LRRC8D: variants seen among roughly 807,000 people sequenced by gnomAD.
LRRC8D encodes leucine rich repeat containing 8 VRAC subunit D.
A neutral mutation model predicts 55.8 loss-of-function variants in LRRC8D; 20 were observed. The ratio of observed to expected loss-of-function variants is 0.36; its 90% CI spans 0.25 to 0.52. LRRC8D has a LOEUF of 0.52. Ranked by LOEUF, LRRC8D falls within the 20% of genes least tolerant of loss-of-function variation. The pLI is 0.93. For missense variants in LRRC8D, 651 were observed against 1,030.8 expected, an observed-to-expected ratio of 0.63 and a Z score of 5.05; for synonymous variants, 352 against 377.0, an observed-to-expected ratio of 0.93 and a Z score of 0.77.
chr1:89,823,196 C>T (rs995718221), intron 1 of LRRC8D, among the ~76,000 whole-genome samples: 2 of 152,078 alleles, frequency 1.3e-5, no homozygotes, highest in African/African-American at 2.4e-5. Context: ...CTTAGATGAC[C>T]CAGCCTTCCA....
intron 2 of LRRC8D, among the ~76,000 whole-genome samples, chr1:89,912,542 C>A (rs1019999762): frequency 1.3e-5 from 2 of 152,146 alleles, no homozygotes; most frequent in African/African-American, 4.8e-5. Flanking sequence ...GAACTCCAGA[C>A]CCTTTCCTTT....
intron 2 of LRRC8D, among the ~76,000 whole-genome samples, chr1:89,859,090 A>C (rs1321038724): frequency 6.6e-6 from 1 of 152,168 alleles, no homozygotes; most frequent in Non-Finnish European, 1.5e-5. Flanking sequence ...TTTTGGTGAG[A>C]TATCTTATAA....
chr1:89,901,905 T>A (rs77782200), intron 2 of LRRC8D, among the ~76,000 whole-genome samples: 11,790 of 152,322 alleles, frequency 0.077, 632 homozygotes, highest in South Asian at 0.12. Context: ...CTTGTTGAAC[T>A]CAGCCTTTCC....
intron 2 of LRRC8D, among the ~76,000 whole-genome samples, chr1:89,881,685 A>G (rs1662286891): frequency 1.3e-5 from 2 of 152,232 alleles, no homozygotes. Flanking sequence ...GGCTCAAGAC[A>G]TGAATGGCCT....
chr1:89,888,905 A>G (rs1044451371), intron 2 of LRRC8D, among the ~76,000 whole-genome samples: 9 of 152,260 alleles, frequency 5.9e-5, no homozygotes, highest in Non-Finnish European at 1.2e-4. Context: ...GAATCAATAA[A>G]TAAATGAGGG....
chr1:89,822,068 CT>C (rs1362441828), intron 1 of LRRC8D: 1 of 152,628 alleles, frequency 6.6e-6, no homozygotes, highest in East Asian at 1.9e-4. Flanking sequence ...TGATAGGGGC[CT>C]TCTCCTTTCC....
chr1:89,864,598 C>T (rs1197738173), intron 2 of LRRC8D, among the ~76,000 whole-genome samples: 2 of 152,150 alleles, frequency 1.3e-5, no homozygotes, highest in African/African-American at 4.8e-5. Flanking sequence ...GCCTGGACTG[C>T]TGCAGCTGCC....
At chr1:89,927,074 T>C (rs1373278688) in intron 2 of LRRC8D, among the ~76,000 whole-genome samples, 2 of 152,226 alleles carry the variant, frequency 1.3e-5, no homozygotes, top group African/African-American at 4.8e-5. Context: ...CACCTTCTTT[T>C]CTATGGCAGA....
chr1:89,935,871 G>T lies in LRRC8D; in HGVS notation c.*226G>T. Reference sequence around the variant, plus strand: ...ATTTTTTTTTTTCTTTTGGGGAAAGGGAAGGAAAAATTATAATCACTAATC... The same window carrying T: ...ATTTTTTTTTTTCTTTTGGGGAAAGTGAAGGAAAAATTATAATCACTAATC... On this transcript the variant is annotated 3_prime_UTR_variant, in exon 3 of 3. Transcript: ENST00000337338. 1 of 405,412 alleles carries T rather than the reference G, an allele frequency of 2.5e-6. No homozygotes were observed. The highest frequency in any genetic ancestry group is 4.5e-6 in the Non-Finnish European group (1 of 222,526). The allele number at this position is 405,412 out of a possible 1,614,324, so 25.1% of individuals were successfully genotyped here.
At chr1:89,920,867 G>A (rs1052293532) in intron 2 of LRRC8D, among the ~76,000 whole-genome samples, 2 of 152,152 alleles carry the variant, frequency 1.3e-5, no homozygotes, top group Non-Finnish European at 2.9e-5. Context: ...GTTAGGGAAG[G>A]CTTGTTGTAG....
intron 2 of LRRC8D, among the ~76,000 whole-genome samples, chr1:89,915,812 T>C (rs929030053): frequency 9.8e-5 from 15 of 152,362 alleles, no homozygotes; most frequent in African/African-American, 3.6e-4. Context: ...AAAAATGTTA[T>C]CTTGGGCCAT....
At chr1:89,866,979 A>C (rs1253853593) in intron 2 of LRRC8D, among the ~76,000 whole-genome samples, 1 of 152,202 alleles carries the variant, frequency 6.6e-6, no homozygotes, top group Middle Eastern at 3.2e-3. Flanking sequence ...GTAGCAAGTC[A>C]CTTAGTATTT....
intron 2 of LRRC8D, among the ~76,000 whole-genome samples, chr1:89,892,697 T>G (rs1476090169): frequency 6.6e-6 from 1 of 152,114 alleles, no homozygotes; most frequent in Non-Finnish European, 1.5e-5. Context: ...TTTTTTGTAT[T>G]TTTTAGTAGA....
intron 2 of LRRC8D, among the ~76,000 whole-genome samples, chr1:89,891,369 A>G (rs1241384491): frequency 6.6e-6 from 1 of 152,174 alleles, no homozygotes; most frequent in Non-Finnish European, 1.5e-5. Context: ...TGATGCTGAT[A>G]TGTTTTATTA....
chr1:89,929,143 G>A (rs561282073), intron 2 of LRRC8D, among the ~76,000 whole-genome samples: 1 of 152,350 alleles, frequency 6.6e-6, no homozygotes, highest in Non-Finnish European at 1.5e-5. Context: ...TCCAATGGGA[G>A]ATCAGACAAG....
chr1:89,890,217 G>T (rs958950295), intron 2 of LRRC8D, among the ~76,000 whole-genome samples: 3 of 151,686 alleles, frequency 2.0e-5, no homozygotes, highest in African/African-American at 7.3e-5. Flanking sequence ...TAAAATAAAA[G>T]CCTTGAGGAT....
intron 2 of LRRC8D, among the ~76,000 whole-genome samples, chr1:89,917,763 A>C (rs1385291187): frequency 6.6e-6 from 1 of 152,132 alleles, no homozygotes; most frequent in East Asian, 1.9e-4. Context: ...GGCTGTCTTT[A>C]AGAAAAATAA....
intron 2 of LRRC8D, among the ~76,000 whole-genome samples, chr1:89,885,673 T>C (rs917892365): frequency 6.6e-6 from 1 of 152,214 alleles, no homozygotes; most frequent in Non-Finnish European, 1.5e-5. Context: ...GAACCCTTAT[T>C]CTACTGTTGC....
chr1:89,873,108 G>GTACAAT (rs1461992854), intron 2 of LRRC8D, among the ~76,000 whole-genome samples: 1 of 152,150 alleles, frequency 6.6e-6, no homozygotes, highest in African/African-American at 2.4e-5. Flanking sequence ...GAAACAGTGT[G>GTACAAT]TACAGGCTTC....
Sources: allele counts gnomAD v4.1 joint callset (sites outside exome capture counted in the v4.1 genomes callset), GRCh38; gene constraint gnomAD v4.1.1; transcripts MANE v1.5; gene names NCBI Gene and HGNC (gene_info 2026-07-23, HGNC 2026-07-21).